The following CERT1 variants were observed in gnomAD, a reference collection of about 807,000 sequenced individuals.
CERT1 encodes the protein ceramide transfer protein.
CERT1 carries 31 observed loss-of-function variants against 87.9 expected under a neutral mutation model. The ratio of observed to expected loss-of-function variants is 0.35; its 90% CI spans 0.27 to 0.48. CERT1 has a LOEUF of 0.48. Ranked by LOEUF, CERT1 falls within the 20% of genes least tolerant of loss-of-function variation. CERT1 has a pLI of 0.99. For missense variants in CERT1, 487 were observed against 758.0 expected, an observed-to-expected ratio of 0.64 and a Z score of 4.20; for synonymous variants, 289 against 250.9, an observed-to-expected ratio of 1.15 and a Z score of -1.44.
chr5:75,441,685 G>A, intron 3 of CERT1, among the ~76,000 whole-genome samples: 1 of 152,024 alleles, frequency 6.6e-6, no homozygotes, highest in East Asian at 1.9e-4. Context: ...TTATCTTTTG[G>A]TGACTGGCTT....
At chr5:75,509,574 T>TA (rs1297419217) in intron 1 of CERT1, among the ~76,000 whole-genome samples, 1 of 152,206 alleles carries the variant, frequency 6.6e-6, no homozygotes. Context: ...TTTTTATCTA[T>TA]AGTATACCTA....
At chr5:75,370,281 C>T (rs533395275) in intron 17 of CERT1, 1 of 152,312 alleles carries the variant, frequency 6.6e-6, no homozygotes, top group African/African-American at 2.4e-5. Flanking sequence ...TATGAATCCA[C>T]TGACTGAGTG....
intron 7 of CERT1, 103 bp from the exon 8 acceptor site, chr5:75,411,206 T>A: frequency 1.5e-6 from 1 of 651,028 alleles, no homozygotes; most frequent in Non-Finnish European, 2.6e-6. Flanking sequence ...ATTTTACAAT[T>A]TGACACAAAA....
chr5:75,457,534 C>T (rs911020617), intron 3 of CERT1, among the ~76,000 whole-genome samples: 2 of 151,728 alleles, frequency 1.3e-5, no homozygotes, highest in Admixed American at 6.6e-5. Context: ...AGTAACATTA[C>T]CAAGATAACT....
intron 2 of CERT1, among the ~76,000 whole-genome samples, chr5:75,465,127 A>G (rs563357114): frequency 2.0e-5 from 3 of 152,118 alleles, no homozygotes; most frequent in Non-Finnish European, 4.4e-5. Context: ...CAATTCTGAG[A>G]TCCCTTCCTC....
At chr5:75,431,037 TCAAA>T (rs1763842139) in intron 3 of CERT1, among the ~76,000 whole-genome samples, 2 of 152,208 alleles carry the variant, frequency 1.3e-5, no homozygotes, top group South Asian at 2.1e-4. Flanking sequence ...ACAGACTATC[TCAAA>T]CAAACAAAAG....
intron 1 of CERT1, among the ~76,000 whole-genome samples, chr5:75,507,272 C>T (rs183078143): frequency 6.6e-6 from 1 of 152,200 alleles, no homozygotes; most frequent in East Asian, 1.9e-4. Flanking sequence ...GTGTGCACCC[C>T]CACATCTGGC....
intron 3 of CERT1, among the ~76,000 whole-genome samples, chr5:75,456,663 CAAAAAAAAAAA>C (rs34320476): frequency 1.4e-5 from 1 of 69,424 alleles, no homozygotes; most frequent in African/African-American, 5.8e-5. Flanking sequence ...GACCTCATCT[CAAAAAAAAAAA>C]AAAAAAAAAA....
intron 8 of CERT1, among the ~76,000 whole-genome samples, chr5:75,408,282 A>C (rs1339548832): frequency 1.3e-5 from 2 of 152,210 alleles, no homozygotes; most frequent in African/African-American, 4.8e-5. Context: ...GTTATAGATT[A>C]AAAGAAGTTA....
At position 75,379,228 on chromosome 5, in the gene CERT1, T is replaced by C. The variant is rs971790165; in HGVS notation, c.*118A>G. 6.6e-5 allele frequency: 60 copies of C among 906,566 alleles called. No individual in the cohort carries two copies. Among genetic ancestry groups the C allele is most frequent in the South Asian group, 5.0e-4 (30 of 59,510 alleles). The allele number at this position is 906,566 out of a possible 1,614,324, so 56.2% of individuals were successfully genotyped here. A position where few individuals can be genotyped will look rare whatever the true frequency, so the allele number is the denominator to read the frequency against. ...CAAAAACCAACGAAACAATACTCTA[T>C]AGGGGAACATCAAAAAACATAGTAA... On this transcript the variant is annotated 3_prime_UTR_variant, in exon 17 of 17. Transcript: ENST00000643780.
At chr5:75,485,279 G>C (rs1340699200) in intron 2 of CERT1, among the ~76,000 whole-genome samples, 1 of 78,548 alleles carries the variant, frequency 1.3e-5, no homozygotes, top group Non-Finnish European at 2.2e-5. Context: ...ATGAGCCTGA[G>C]CAATAAACCA....
At chr5:75,394,806 G>A (rs1762180598) in intron 11 of CERT1, among the ~76,000 whole-genome samples, 1 of 152,060 alleles carries the variant, frequency 6.6e-6, no homozygotes, top group Admixed American at 6.5e-5. Context: ...ATGCTTCTAG[G>A]AATATATTCT....
intron 1 of CERT1, among the ~76,000 whole-genome samples, chr5:75,508,612 T>C (rs1013618235): frequency 3.3e-5 from 5 of 152,152 alleles, no homozygotes; most frequent in African/African-American, 1.2e-4. Context: ...TAAGGCAATA[T>C]GCTAGACACT....
At chr5:75,442,942 G>A (rs1421255831) in intron 3 of CERT1, among the ~76,000 whole-genome samples, 1 of 152,122 alleles carries the variant, frequency 6.6e-6, no homozygotes, top group African/African-American at 2.4e-5. Flanking sequence ...TCGTAAGTAT[G>A]TATGCATAGG....
intron 2 of CERT1, among the ~76,000 whole-genome samples, chr5:75,498,942 C>T (rs1451281686): frequency 6.6e-6 from 1 of 152,250 alleles, no homozygotes; most frequent in Non-Finnish European, 1.5e-5. Context: ...GGGGCTTGTA[C>T]TCTGCAAAGC....
intron 12 of CERT1, among the ~76,000 whole-genome samples, chr5:75,386,764 T>C (rs1486713150): frequency 1.3e-5 from 2 of 152,180 alleles, no homozygotes; most frequent in Non-Finnish European, 2.9e-5. Flanking sequence ...TACCTATTTA[T>C]TACTCATATT....
intron 3 of CERT1, among the ~76,000 whole-genome samples, chr5:75,456,432 G>A (rs1377900338): frequency 6.6e-6 from 1 of 152,078 alleles, no homozygotes. Flanking sequence ...ATTTTGGGAA[G>A]CTGGCATGGG....
At chr5:75,495,740 T>C (rs531773577) in intron 2 of CERT1, among the ~76,000 whole-genome samples, 1 of 152,098 alleles carries the variant, frequency 6.6e-6, no homozygotes, top group South Asian at 2.1e-4. Flanking sequence ...AAAATAAAAA[T>C]GTAAAAACAG....
chr5:75,488,915 A>T (rs1466325217), intron 2 of CERT1, among the ~76,000 whole-genome samples: 2 of 152,014 alleles, frequency 1.3e-5, no homozygotes, highest in African/African-American at 2.4e-5. Context: ...ATTAAAGAAA[A>T]TTTTTTTCAG....
Sources: gnomAD v4.1 joint callset for allele counts (sites outside exome capture counted in the v4.1 genomes callset) on GRCh38, gnomAD v4.1.1 for gene constraint, MANE v1.5 for transcripts, NCBI Gene and HGNC (gene_info 2026-07-23, HGNC 2026-07-21) for gene names.